Variants in NOX4 observed in about 807,000 individuals in gnomAD.
The protein encoded by NOX4 is NADPH oxidase 4.
NOX4 carries 69 observed loss-of-function variants against 87.6 expected under a neutral mutation model. The observed-to-expected ratio is 0.79, with a 90% confidence interval of 0.65 to 0.96. NOX4 has a LOEUF of 0.96. Among genes scored for constraint, NOX4 ranks in the 40% least tolerant of loss-of-function variants. The pLI is 0.00. For synonymous variants in NOX4, 275 were observed against 238.2 expected, an observed-to-expected ratio of 1.15 and a Z score of -1.42; for missense variants, 680 against 681.5, an observed-to-expected ratio of 1.00 and a Z score of 0.02.
intron 11 of NOX4, among the ~76,000 whole-genome samples, chr11:89,395,232 T>C (rs1197290028): frequency 6.6e-6 from 1 of 152,226 alleles, no homozygotes; most frequent in Admixed American, 6.5e-5. Flanking sequence ...GTGGTTTTGA[T>C]TTGCATTTCT....
At chr11:89,548,902 AC>A in the NOX4 span, 1 of 152,232 alleles carries the variant, frequency 6.6e-6, no homozygotes, top group Non-Finnish European at 1.5e-5. Context: ...CTCCAGACTC[AC>A]CCCATCCCAC....
intron 2 of NOX4, among the ~76,000 whole-genome samples, chr11:89,465,547 A>G (rs1010492102): frequency 1.3e-5 from 2 of 152,170 alleles, no homozygotes; most frequent in Non-Finnish European, 2.9e-5. Flanking sequence ...ATCCTTGAGG[A>G]ATTGCCACAC....
the NOX4 span, among the ~76,000 whole-genome samples, chr11:89,508,180 T>C: frequency 2.0e-5 from 3 of 152,110 alleles, no homozygotes; most frequent in Admixed American, 6.6e-5. Flanking sequence ...TACTGGTTTA[T>C]AGGCTACCTA....
At chr11:89,492,929 G>A (rs888923324), upstream of NOX4, among the ~76,000 whole-genome samples, 1 of 152,164 alleles carries the variant, frequency 6.6e-6, no homozygotes, top group African/African-American at 2.4e-5. Flanking sequence ...GAGACTTTCA[G>A]AACAGCAAAA....
intron 11 of NOX4, among the ~76,000 whole-genome samples, chr11:89,378,329 A>T (rs1311521106): frequency 6.6e-6 from 1 of 151,916 alleles, no homozygotes; most frequent in Non-Finnish European, 1.5e-5. Context: ...CTTCCTTTCC[A>T]TTTCTTAGGT....
intron 12 of NOX4, among the ~76,000 whole-genome samples, chr11:89,361,367 T>C (rs1938507819): frequency 6.6e-6 from 1 of 152,086 alleles, no homozygotes; most frequent in African/African-American, 2.4e-5. Context: ...CTAAATATCC[T>C]GTGTTCTCAC....
intron 4 of NOX4, 46 bp from the exon 5 acceptor site, chr11:89,444,278 C>T (rs1944587123): frequency 2.0e-6 from 3 of 1,511,690 alleles, no homozygotes; most frequent in Non-Finnish European, 1.8e-6. Flanking sequence ...TGCATATATG[C>T]TCTATGTCAA....
chr11:89,332,878 G>A (rs1429202337), intron 17 of NOX4, among the ~76,000 whole-genome samples: 1 of 151,694 alleles, frequency 6.6e-6, no homozygotes, highest in Non-Finnish European at 1.5e-5. Flanking sequence ...CACTTTCCAT[G>A]ATCATATAAT....
chr11:89,401,599 G>T (rs1441703225), intron 9 of NOX4, among the ~76,000 whole-genome samples: 1 of 152,054 alleles, frequency 6.6e-6, no homozygotes. Flanking sequence ...CACGGGGGCA[G>T]TTCTCACAGG....
the NOX4 span, among the ~76,000 whole-genome samples, chr11:89,513,127 C>A: frequency 2.0e-5 from 3 of 151,968 alleles, no homozygotes; most frequent in Non-Finnish European, 2.9e-5. Context: ...TCCAGACCAA[C>A]CTGACCAACA....
chr11:89,458,546 C>A (rs182590547), intron 2 of NOX4, among the ~76,000 whole-genome samples: 5 of 152,204 alleles, frequency 3.3e-5, no homozygotes, highest in Admixed American at 3.3e-4. Context: ...TATTTGAAAA[C>A]CATGCATATG....
At chr11:89,545,952 G>A in the NOX4 span, among the ~76,000 whole-genome samples, 1 of 152,092 alleles carries the variant, frequency 6.6e-6, no homozygotes, top group African/African-American at 2.4e-5. Flanking sequence ...ACACCCATCA[G>A]CCCCTGTACG....
chr11:89,346,717 G>C (rs967168193), intron 13 of NOX4, among the ~76,000 whole-genome samples: 3 of 152,160 alleles, frequency 2.0e-5, no homozygotes, highest in African/African-American at 7.2e-5. Flanking sequence ...TCTGAGTCGG[G>C]AATGAGTTGT....
chr11:89,508,507 T>C, the NOX4 span, among the ~76,000 whole-genome samples: 1 of 152,090 alleles, frequency 6.6e-6, no homozygotes, highest in Non-Finnish European at 1.5e-5. Context: ...TATGGTGTTT[T>C]GAACGTGCCA....
At chr11:89,440,595 G>C in intron 6 of NOX4, 93 bp downstream of exon 6, 1 of 768,256 alleles carries the variant, frequency 1.3e-6, no homozygotes, top group South Asian at 2.2e-5. Flanking sequence ...AAAGTGCTGG[G>C]AATACAGGCA....
the NOX4 span, among the ~76,000 whole-genome samples, chr11:89,562,787 TTCTG>T: frequency 2.0e-5 from 3 of 152,320 alleles, no homozygotes; most frequent in Middle Eastern, 6.8e-3. Context: ...GTATTTATGA[TTCTG>T]TCTAACAATT....
chr11:89,495,281 A>G (rs1418627836), upstream of NOX4, among the ~76,000 whole-genome samples: 1 of 152,034 alleles, frequency 6.6e-6, no homozygotes, highest in Non-Finnish European at 1.5e-5. Flanking sequence ...CTAATGCACC[A>G]TCTTTTCTGA....
intron 11 of NOX4, among the ~76,000 whole-genome samples, chr11:89,376,975 T>G (rs1157950395): frequency 6.6e-6 from 1 of 151,896 alleles, no homozygotes; most frequent in Non-Finnish European, 1.5e-5. Flanking sequence ...GGAGAATCAC[T>G]TGAATTCAGG....
At chr11:89,354,074 C>T (rs1022229151) in intron 13 of NOX4, among the ~76,000 whole-genome samples, 8 of 151,962 alleles carry the variant, frequency 5.3e-5, no homozygotes, top group East Asian at 1.9e-4. Context: ...ATAATTTCCC[C>T]GGAAAGCAAA....
Sources: gnomAD v4.1 joint callset for allele counts (sites outside exome capture counted in the v4.1 genomes callset) on GRCh38, gnomAD v4.1.1 for gene constraint, MANE v1.5 for transcripts, NCBI Gene and HGNC (gene_info 2026-07-23, HGNC 2026-07-21) for gene names.